CPQ: variants seen among roughly 807,000 people sequenced by gnomAD.
CPQ encodes the protein Ser-Met dipeptidase.
A neutral mutation model predicts 45.7 loss-of-function variants in CPQ; 37 were observed. That is an observed-to-expected ratio of 0.81 (90% CI 0.62 to 1.07). The LOEUF (loss-of-function observed/expected upper bound fraction) is 1.07. Ranked by LOEUF, CPQ falls within the 50% of genes least tolerant of loss-of-function variation. The probability of loss-of-function intolerance (pLI) is 0.00; values close to 1 mark genes in which losing one functional copy is unlikely to be tolerated. For missense variants in CPQ, 537 were observed against 572.9 expected, an observed-to-expected ratio of 0.94 and a Z score of 0.64; for synonymous variants, 186 against 205.8, an observed-to-expected ratio of 0.90 and a Z score of 0.82.
intron 2 of CPQ, among the ~76,000 whole-genome samples, chr8:96,794,497 G>A (rs1307219030): frequency 6.6e-6 from 1 of 152,188 alleles, no homozygotes. Flanking sequence ...TGTAATGGGA[G>A]GAGCTGCCTG....
intron 6 of CPQ, among the ~76,000 whole-genome samples, chr8:97,031,545 T>C (rs1809908139): frequency 6.6e-6 from 1 of 152,190 alleles, no homozygotes; most frequent in African/African-American, 2.4e-5. Flanking sequence ...GCAATTGATC[T>C]GGCTAAAAAT....
intron 7 of CPQ, among the ~76,000 whole-genome samples, chr8:97,070,139 C>T (rs1289898958): frequency 2.6e-5 from 4 of 152,178 alleles, no homozygotes; most frequent in Non-Finnish European, 4.4e-5. Context: ...TTCCAGCCTT[C>T]TCCCATGTCC....
At chr8:96,980,210 G>T (rs1044022691) in intron 5 of CPQ, among the ~76,000 whole-genome samples, 8 of 152,126 alleles carry the variant, frequency 5.3e-5, no homozygotes, top group African/African-American at 1.7e-4. Flanking sequence ...TTGGCTCACT[G>T]CAACCTCCGC....
At chr8:96,814,808 C>G (rs925115383) in intron 2 of CPQ, among the ~76,000 whole-genome samples, 2 of 152,044 alleles carry the variant, frequency 1.3e-5, no homozygotes, top group African/African-American at 2.4e-5. Flanking sequence ...TATAGCCATA[C>G]AACAGAATAG....
At chr8:96,894,422 G>A (rs1038700096) in intron 4 of CPQ, among the ~76,000 whole-genome samples, 5 of 152,164 alleles carry the variant, frequency 3.3e-5, no homozygotes, top group Admixed American at 2.0e-4. Flanking sequence ...ACAAATATGA[G>A]TAGGAACTTA....
At chr8:96,767,376 T>C (rs1314151215) in intron 1 of CPQ, among the ~76,000 whole-genome samples, 1 of 152,136 alleles carries the variant, frequency 6.6e-6, no homozygotes, top group African/African-American at 2.4e-5. Context: ...TCAAGATAAG[T>C]TGTGGTACCT....
intron 3 of CPQ, among the ~76,000 whole-genome samples, chr8:96,838,189 A>G (rs996305194): frequency 1.3e-5 from 2 of 152,114 alleles, no homozygotes; most frequent in South Asian, 4.1e-4. Flanking sequence ...TCTTGGAAGT[A>G]TTGATAGTTT....
At chr8:97,009,389 C>T (rs1809441409) in intron 5 of CPQ, among the ~76,000 whole-genome samples, 1 of 152,106 alleles carries the variant, frequency 6.6e-6, no homozygotes, top group Non-Finnish European at 1.5e-5. Context: ...CTGATTTGTC[C>T]TTATTGTAGA....
At chr8:96,910,027 C>A (rs899018360) in intron 4 of CPQ, among the ~76,000 whole-genome samples, 1 of 152,146 alleles carries the variant, frequency 6.6e-6, no homozygotes, top group Non-Finnish European at 1.5e-5. Context: ...CCACCATGGA[C>A]TTTGAGTCCT....
intron 1 of CPQ, among the ~76,000 whole-genome samples, chr8:96,700,677 C>T (rs1809446273): frequency 1.3e-5 from 2 of 152,182 alleles, no homozygotes; most frequent in Admixed American, 1.3e-4. Flanking sequence ...CAGCCAGTCT[C>T]ATATGTCAAC....
intron 3 of CPQ, among the ~76,000 whole-genome samples, chr8:96,877,957 C>A (rs1812170018): frequency 6.6e-6 from 1 of 151,836 alleles, no homozygotes; most frequent in Non-Finnish European, 1.5e-5. Context: ...TGCAGTCCAC[C>A]TTTTCTTTTC....
At chr8:97,039,760 T>C (rs1414422472) in intron 6 of CPQ, among the ~76,000 whole-genome samples, 2 of 152,284 alleles carry the variant, frequency 1.3e-5, no homozygotes, top group East Asian at 3.9e-4. Flanking sequence ...TGCGATAGTT[T>C]ACTGAGAATG....
intron 1 of CPQ, among the ~76,000 whole-genome samples, chr8:96,657,936 T>C (rs1815656439): frequency 6.6e-6 from 1 of 152,260 alleles, no homozygotes; most frequent in African/African-American, 2.4e-5. Flanking sequence ...TTTGAGATTC[T>C]TTTTTCATTA....
intron 7 of CPQ, among the ~76,000 whole-genome samples, chr8:97,076,389 T>A (rs529695408): frequency 6.6e-6 from 1 of 152,308 alleles, no homozygotes; most frequent in East Asian, 1.9e-4. Flanking sequence ...TACAGTGATT[T>A]CTTAATATCA....
At chr8:96,932,076 A>C (rs1278401402) in intron 4 of CPQ, among the ~76,000 whole-genome samples, 1 of 152,166 alleles carries the variant, frequency 6.6e-6, no homozygotes, top group Admixed American at 6.5e-5. Flanking sequence ...ATTTTTTAAA[A>C]ATGCAGAAAA....
At chr8:96,704,503 G>A (rs113968911) in intron 1 of CPQ, among the ~76,000 whole-genome samples, 3,651 of 152,214 alleles carry the variant, frequency 0.024, 161 homozygotes, top group African/African-American at 0.083. Flanking sequence ...AACTTTGAAG[G>A]AGTAAGCAGC....
At chr8:96,926,254 T>G (rs1812872047) in intron 4 of CPQ, among the ~76,000 whole-genome samples, 5 of 152,184 alleles carry the variant, frequency 3.3e-5, no homozygotes, top group Admixed American at 3.3e-4. Context: ...ACATGGAACT[T>G]ATTCCCAGTG....
intron 2 of CPQ, among the ~76,000 whole-genome samples, chr8:96,822,526 A>C (rs1461730369): frequency 6.6e-6 from 1 of 151,904 alleles, no homozygotes; most frequent in Non-Finnish European, 1.5e-5. Flanking sequence ...GGCATTCTCA[A>C]TTTACATTCT....
intron 1 of CPQ, among the ~76,000 whole-genome samples, chr8:96,664,340 A>G (rs952782862): frequency 6.6e-6 from 1 of 152,204 alleles, no homozygotes; most frequent in Non-Finnish European, 1.5e-5. Context: ...TAAGGTGAGG[A>G]TGAAGAAAGA....
Sources: gnomAD v4.1 joint callset for allele counts (sites outside exome capture counted in the v4.1 genomes callset) on GRCh38, gnomAD v4.1.1 for gene constraint, MANE v1.5 for transcripts, NCBI Gene and HGNC (gene_info 2026-07-23, HGNC 2026-07-21) for gene names.